BOD1L1: variants seen among roughly 807,000 people sequenced by gnomAD.
The protein encoded by BOD1L1 is biorientation of chromosomes in cell division protein 1-like 1.
A neutral mutation model predicts 240.7 loss-of-function variants in BOD1L1; 86 were observed. That is an observed-to-expected ratio of 0.36 (90% CI 0.30 to 0.43). The LOEUF (loss-of-function observed/expected upper bound fraction) is 0.43. BOD1L1 is among the 20% of genes least tolerant of loss of function. BOD1L1 has a pLI of 1.00. For synonymous variants in BOD1L1, 1,268 were observed against 1,272.3 expected, an observed-to-expected ratio of 1.00 and a Z score of 0.07; for missense variants, 3,554 against 3,643.5, an observed-to-expected ratio of 0.98 and a Z score of 0.63.
chr4:13,615,173 G>A (rs1021393649), intron 3 of BOD1L1, 139 bp downstream of exon 3: 1 of 863,050 alleles, frequency 1.2e-6, no homozygotes. Flanking sequence ...TGGCAATTGA[G>A]GAATTTAGGT....
rs765371992 is a variant in BOD1L1 at position 13,602,602 on chromosome 4, C to A, written c.4298G>T (p.Gly1433Val). ...ATCAACAGCAATGCCATCCTTCTTGCCATTCTCTACTGTTGCTTTAATTGT... is the reference window on the plus strand; with the variant it reads ...ATCAACAGCAATGCCATCCTTCTTGACATTCTCTACTGTTGCTTTAATTGT... ...KQTIKATVEN[G>V]KKDGIAVDHV... The change falls in exon 10 of 26, where the codon GGC (glycine) becomes GTC (valine). Residue 1433 changes from glycine (G) to valine (V), a missense_variant. Physicochemically the swap from Gly to Val is moderately radical, Grantham distance 109. Around this residue, in one of 2 missense-constraint regions of BOD1L1, gnomAD observed 3,393 missense variants for 3,427.1 expected, o/e 0.99. Transcript: ENST00000040738. 1.4e-5 allele frequency: 23 copies of A among 1,614,024 alleles called. No homozygotes were observed. Among genetic ancestry groups the A allele is most frequent in the South Asian group, 2.2e-5 (2 of 91,080 alleles).
At chr4:13,577,875 C>T (rs1243655384) in intron 22 of BOD1L1, 3 of 346,848 alleles carry the variant, frequency 8.6e-6, no homozygotes, top group African/African-American at 6.5e-5. Context: ...TCAGTTTTTT[C>T]AGCTGCAAAA....
chr4:13,580,023 A>G, intron 21 of BOD1L1, 50 bp from the exon 22 acceptor site: 2 of 1,300,090 alleles, frequency 1.5e-6, no homozygotes, highest in Non-Finnish European at 2.2e-6. Flanking sequence ...GCAGTTTATA[A>G]TCATCACATA....
intron 19 of BOD1L1, among the ~76,000 whole-genome samples, chr4:13,581,700 G>A (rs1713244795): frequency 6.6e-6 from 1 of 152,180 alleles, no homozygotes; most frequent in Non-Finnish European, 1.5e-5. Flanking sequence ...TCAAGCCACT[G>A]CAATTCTCTG....
intron 2 of BOD1L1, among the ~76,000 whole-genome samples, chr4:13,617,938 G>A (rs1716741972): frequency 6.6e-6 from 1 of 152,158 alleles, no homozygotes; most frequent in African/African-American, 2.4e-5. Context: ...TCCAAGAGAA[G>A]GCAGCTGTCT....
At chr4:13,576,765 C>G in intron 25 of BOD1L1, 73 bp downstream of exon 25, 1 of 1,525,848 alleles carries the variant, frequency 6.6e-7, no homozygotes, top group Non-Finnish European at 8.8e-7. Context: ...AAGAGAATCC[C>G]AGAAAACCCA....
rs768628840 is a variant in BOD1L1 at position 13,602,862 on chromosome 4, A to C, written c.4038T>G (p.Gly1346=). The change falls in exon 10 of 26, where the codon GGT becomes GGG. Residue 1346 remains glycine, a synonymous_variant. Transcript: ENST00000040738. The part of the protein sequence containing the change: ...EVLKTSDSKE[G]GEGFTVDTPA... ...GTGTATCTACTGTGAAACCTTCACC[A>C]CCTTCTTTGCTGTCACTTGTCTTAA... The C allele has an allele frequency of 6.2e-7, 1 of 1,613,996 alleles. No homozygotes were observed.
chr4:13,568,845 T>A lies in BOD1L1; in HGVS notation c.*1166A>T, dbSNP rs1711970421. ...GAGTCAAAATAAAAAAAAAAACCCA[T>A]ACACACTGAATGTAAATTTTAATTA... On this transcript the variant is annotated 3_prime_UTR_variant, in exon 26 of 26. Transcript: ENST00000040738. 1 of 151,696 alleles carries A rather than the reference T, an allele frequency of 6.6e-6. No homozygotes were observed. Among genetic ancestry groups the A allele is most frequent in the Non-Finnish European group, 1.5e-5 (1 of 67,856 alleles). 9.4% of individuals were successfully genotyped at this position (151,696 alleles called of 1,614,324 possible). A position where few individuals can be genotyped will look rare whatever the true frequency, so the allele number is the denominator to read the frequency against.
chr4:13,581,240 A>G, intron 19 of BOD1L1, 33 bp from the exon 20 acceptor site: 1 of 1,432,906 alleles, frequency 7.0e-7, no homozygotes, highest in South Asian at 1.3e-5. Flanking sequence ...CAACAGCAAT[A>G]AGAAAAAAAA....
At chr4:13,623,681 T>C (rs903395203) in intron 1 of BOD1L1, 2 of 152,244 alleles carry the variant, frequency 1.3e-5, no homozygotes, top group East Asian at 3.8e-4. Flanking sequence ...TATGGTCTTC[T>C]GGTGTAGCAG....
At chr4:13,581,094 TTTC>T in intron 20 of BOD1L1, 35 bp downstream of exon 20, 1 of 1,564,970 alleles carries the variant, frequency 6.4e-7, no homozygotes, top group Non-Finnish European at 8.7e-7. Context: ...GGTTCGAAAA[TTTC>T]TTGTGTGTGA....
intron 12 of BOD1L1, among the ~76,000 whole-genome samples, 181 bp downstream of exon 12, chr4:13,595,679 G>A (rs1033885302): frequency 1.3e-5 from 2 of 152,184 alleles, no homozygotes; most frequent in African/African-American, 4.8e-5. Context: ...GACATTTCAT[G>A]AGGAAAAGTG....
chr4:13,624,313 G>A (rs1717239526), intron 1 of BOD1L1: 1 of 152,078 alleles, frequency 6.6e-6, no homozygotes, highest in African/African-American at 2.4e-5. Flanking sequence ...TTGTCTGGGA[G>A]GGTGTCATTT....
rs539609536 is a variant in BOD1L1 at position 13,582,286 on chromosome 4, G to A, written c.8543C>T (p.Thr2848Ile). 6.9e-5 allele frequency: 111 copies of A among 1,613,446 alleles called. No homozygotes were observed. The East Asian group carries it at 1.5e-3, about 21-fold the overall frequency. The part of the protein sequence containing the change: ...EKDEYSSSET[T>I]GEKPEQNDDD... Reference sequence around the variant, plus strand: ...ATCGTTCTGCTCTGGCTTTTCACCAGTAGTTTCACTGCTGCTATATTCATC... The same window carrying A: ...ATCGTTCTGCTCTGGCTTTTCACCAATAGTTTCACTGCTGCTATATTCATC... The change falls in exon 19 of 26, where the codon ACT becomes ATT. Residue 2848 changes from threonine (T) to isoleucine (I), a missense_variant. Coordinates refer to ENST00000040738, the MANE Select transcript of BOD1L1 (RefSeq NM_148894.3).
In BOD1L1 at chr4:13,603,975, C is replaced by T; in HGVS notation, c.2925G>A (p.Glu975=). ...TACTATGTGCTGAAGAAGAAGCAGTCTCTAATACAGGTTCAACACCAGTTT... is the reference window on the plus strand; with the variant it reads ...TACTATGTGCTGAAGAAGAAGCAGTTTCTAATACAGGTTCAACACCAGTTT... ...FEETGVEPVL[E]TASSSAHSTQ... is the part of the protein sequence containing the mutation. The change falls in exon 10 of 26, where the codon GAG becomes GAA. Residue 975 remains glutamate (E), a synonymous_variant. Coordinates refer to ENST00000040738, the MANE Select transcript of BOD1L1 (RefSeq NM_148894.3). 1.2e-6 allele frequency: 2 copies of T among 1,613,902 alleles called. No individual in the cohort carries two copies. The highest frequency in any genetic ancestry group is 1.3e-5 in the African/African-American group (1 of 75,038).
At chr4:13,576,798 C>T in intron 25 of BOD1L1, 40 bp downstream of exon 25, 1 of 1,571,026 alleles carries the variant, frequency 6.4e-7, no homozygotes, top group South Asian at 1.2e-5. Context: ...GATGGAGAAG[C>T]TGGTGAAGGT....
rs1716507161 is a variant in BOD1L1, at chr4:13,615,369, C to T, written c.502G>A (p.Gly168Arg). Residue 168 changes from glycine to arginine, a missense_variant, in exon 3 of 26, where the codon GGA becomes AGA. By Grantham distance (125) the Gly-to-Arg change is moderately radical. This residue lies in a region of BOD1L1 where 161 missense variants were observed against 216.4 expected (regional missense o/e 0.74). Transcript: ENST00000040738. ...TCATCGGGAGCTGTGTTGCCACTTC[C>T]TTCCTCTTTGTGATTTAGCGTGGCC... Reference protein sequence around the residue: ...FLATLNHKEEGSGNTAPDDEK... With the variant: ...FLATLNHKEERSGNTAPDDEK... 1.2e-6 allele frequency: 2 copies of T among 1,613,562 alleles called. No individual in the cohort carries two copies. The highest frequency in any genetic ancestry group is 2.7e-5 in the African/African-American group (2 of 74,882).
rs1383834336 is a variant in BOD1L1 at position 13,588,766 on chromosome 4, C to A, written c.8236G>T (p.Ala2746Ser). 6.2e-7 allele frequency: 1 copy of A among 1,602,562 alleles called. No homozygotes were observed. The highest frequency in any genetic ancestry group is 8.5e-7 in the Non-Finnish European group (1 of 1,174,384). ...GEISSGRKDN[A>S]EAISGHSVEA... ...ACACTGTGACCGCTTATGGCTTCTG[C>A]GTTGTCTTTTCTACCACTGGATATC... Residue 2746 changes from alanine to serine, a missense_variant, in exon 15 of 26, where the codon GCA becomes TCA. Physicochemically the swap from Ala to Ser is moderately conservative, Grantham distance 99. Transcript: ENST00000040738.
chr4:13,589,745 T>C (rs962996695), intron 14 of BOD1L1, among the ~76,000 whole-genome samples: 3 of 152,220 alleles, frequency 2.0e-5, no homozygotes, highest in African/African-American at 7.2e-5. Context: ...AATTGTAAGA[T>C]AGGGCAAAAC....
Sources: allele counts gnomAD v4.1 joint callset (sites outside exome capture counted in the v4.1 genomes callset), GRCh38; gene constraint gnomAD v4.1.1; regional missense constraint gnomAD v4.1.1; transcripts MANE v1.5; gene names NCBI Gene and HGNC (gene_info 2026-07-23, HGNC 2026-07-21).